Variants in SPATA6 observed in about 807,000 individuals in gnomAD.
The protein encoded by SPATA6 is spermatogenesis associated 6.
Under a neutral mutation model 65.3 loss-of-function variants are expected in SPATA6, and 56 were observed. The observed-to-expected ratio is 0.86, with a 90% CI of 0.69 to 1.07. The LOEUF (loss-of-function observed/expected upper bound fraction) is 1.07. SPATA6 is among the 50% of genes least tolerant of loss of function. The probability of loss-of-function intolerance (pLI) is 0.00; values close to 1 mark genes in which losing one functional copy is unlikely to be tolerated. For missense variants in SPATA6, 590 were observed against 594.8 expected, an observed-to-expected ratio of 0.99 and a Z score of 0.08; for synonymous variants, 199 against 213.2, an observed-to-expected ratio of 0.93 and a Z score of 0.58.
chr1:48,281,262 G>C, the SPATA6 span, among the ~76,000 whole-genome samples: 1 of 151,168 alleles, frequency 6.6e-6, no homozygotes, highest in Non-Finnish European at 1.5e-5. Flanking sequence ...CATTCCCTTT[G>C]AAAACTGGCA....
the SPATA6 span, among the ~76,000 whole-genome samples, chr1:48,270,417 AC>A: frequency 6.6e-6 from 1 of 152,126 alleles, no homozygotes; most frequent in African/African-American, 2.4e-5. Context: ...AAACATATGA[AC>A]TATAACAAAC....
chr1:48,397,781 G>A (rs1650749048), intron 7 of SPATA6, among the ~76,000 whole-genome samples: 1 of 151,624 alleles, frequency 6.6e-6, no homozygotes, highest in South Asian at 2.1e-4. Flanking sequence ...AGACTTAGGA[G>A]TAGGCATTTC....
At chr1:48,323,215 T>C (rs1645650294) in intron 11 of SPATA6, among the ~76,000 whole-genome samples, 1 of 152,156 alleles carries the variant, frequency 6.6e-6, no homozygotes, top group East Asian at 1.9e-4. Context: ...GTGGCACATA[T>C]ATACCATGGA....
At chr1:48,328,841 G>A (rs1175438512) in intron 11 of SPATA6, among the ~76,000 whole-genome samples, 1 of 152,070 alleles carries the variant, frequency 6.6e-6, no homozygotes, top group Non-Finnish European at 1.5e-5. Flanking sequence ...ATCTCAAGTA[G>A]ATACATCTAT....
At chr1:48,283,697 A>AAAAGAAAGAAAG in the SPATA6 span, among the ~76,000 whole-genome samples, 110 of 12,012 alleles carry the variant, frequency 9.2e-3, 15 homozygotes, top group South Asian at 0.017. Context: ...AAAAAAAAAA[A>AAAAGAAAGAAAG]AAAGAAAGAA....
chr1:48,347,869 A>G (rs1646413655), intron 11 of SPATA6, among the ~76,000 whole-genome samples: 1 of 151,804 alleles, frequency 6.6e-6, no homozygotes, highest in South Asian at 2.1e-4. Flanking sequence ...CCTGGAACTA[A>G]CTCACTAACT....
intron 9 of SPATA6, among the ~76,000 whole-genome samples, chr1:48,372,968 T>C (rs1024732393): frequency 6.6e-6 from 1 of 152,172 alleles, no homozygotes; most frequent in African/African-American, 2.4e-5. Context: ...TTTTTCCCAC[T>C]GGACCTCTCG....
intron 5 of SPATA6, among the ~76,000 whole-genome samples, chr1:48,406,454 G>T (rs1352809136): frequency 6.6e-6 from 1 of 152,102 alleles, no homozygotes; most frequent in Non-Finnish European, 1.5e-5. Context: ...CCATAATCTA[G>T]CCAAATTGAA....
intron 1 of SPATA6, among the ~76,000 whole-genome samples, chr1:48,471,277 G>A (rs369655944): frequency 5.9e-5 from 9 of 152,152 alleles, no homozygotes; most frequent in South Asian, 2.1e-4. Flanking sequence ...AGAAGGAGGT[G>A]TTTCCCTCAT....
intron 3 of SPATA6, among the ~76,000 whole-genome samples, chr1:48,434,259 GAA>G (rs530291772): frequency 5.0e-4 from 55 of 109,906 alleles, no homozygotes; most frequent in South Asian, 8.5e-4. Flanking sequence ...AGCAGTGAAA[GAA>G]AAAAAAAAAA....
At chr1:48,441,444 T>G (rs1198703280) in intron 3 of SPATA6, among the ~76,000 whole-genome samples, 1 of 152,234 alleles carries the variant, frequency 6.6e-6, no homozygotes, top group Non-Finnish European at 1.5e-5. Flanking sequence ...TTTCTTGTTA[T>G]GCCTGAAAGT....
At chr1:48,267,314 T>C in the SPATA6 span, among the ~76,000 whole-genome samples, 1 of 152,114 alleles carries the variant, frequency 6.6e-6, no homozygotes, top group African/African-American at 2.4e-5. Flanking sequence ...ACTCTTTCAG[T>C]TTTGCCATCT....
intron 1 of SPATA6, among the ~76,000 whole-genome samples, chr1:48,460,399 A>T (rs1161523994): frequency 6.6e-6 from 1 of 152,238 alleles, no homozygotes; most frequent in African/African-American, 2.4e-5. Context: ...CAAACTCAGA[A>T]GGAAATTTCC....
At chr1:48,339,861 T>C (rs1451292878) in intron 11 of SPATA6, among the ~76,000 whole-genome samples, 1 of 151,924 alleles carries the variant, frequency 6.6e-6, no homozygotes, top group Non-Finnish European at 1.5e-5. Context: ...GATAATGAGC[T>C]AGAATGTCCC....
chr1:48,435,591 G>GT (rs1346026103), intron 3 of SPATA6, among the ~76,000 whole-genome samples: 1 of 147,634 alleles, frequency 6.8e-6, no homozygotes, highest in Non-Finnish European at 1.5e-5. Flanking sequence ...GCATCTAGCT[G>GT]AAGGATTGTG....
intron 11 of SPATA6, among the ~76,000 whole-genome samples, chr1:48,328,830 T>G (rs773232623): frequency 6.6e-6 from 1 of 152,184 alleles, no homozygotes; most frequent in Non-Finnish European, 1.5e-5. Flanking sequence ...TAGTTTTCAT[T>G]ATCTCAAGTA....
At chr1:48,299,450 G>T (rs1235341830) in intron 12 of SPATA6, among the ~76,000 whole-genome samples, 1 of 138,568 alleles carries the variant, frequency 7.2e-6, no homozygotes, top group Non-Finnish European at 1.5e-5. Context: ...GGAGGCAGAG[G>T]TTGCAGTGAG....
At chr1:48,418,761 GAAGGAAGA>G (rs1653036931) in intron 3 of SPATA6, among the ~76,000 whole-genome samples, 1 of 113,574 alleles carries the variant, frequency 8.8e-6, no homozygotes, top group African/African-American at 2.9e-5. Flanking sequence ...AGGAGGGAAG[GAAGGAAGA>G]AGGGAAGGAA....
intron 3 of SPATA6, among the ~76,000 whole-genome samples, chr1:48,424,300 T>C (rs1653634569): frequency 6.6e-6 from 1 of 152,224 alleles, no homozygotes; most frequent in Non-Finnish European, 1.5e-5. Context: ...GATCTACAGT[T>C]CCATCCATGT....
Sources: gnomAD v4.1 joint callset for allele counts (sites outside exome capture counted in the v4.1 genomes callset) on GRCh38, gnomAD v4.1.1 for gene constraint, MANE v1.5 for transcripts, NCBI Gene and HGNC (gene_info 2026-07-23, HGNC 2026-07-21) for gene names.